Variants in PALD1 observed in about 807,000 individuals in gnomAD.
The protein encoded by PALD1 is paladin.
PALD1 carries 57 observed loss-of-function variants against 96.0 expected under a neutral mutation model. The ratio of observed to expected loss-of-function variants is 0.59; its 90% confidence interval spans 0.48 to 0.74. The LOEUF is 0.74. PALD1 is among the 30% of genes least tolerant of loss of function. The pLI is 0.00. For synonymous variants in PALD1, 464 were observed against 473.6 expected (o/e 0.98, Z 0.26); for missense variants, 1,063 against 1,143.7 (o/e 0.93, Z 1.02).
chr10:70,477,351 C>G (rs865804409), upstream of PALD1, among the ~76,000 whole-genome samples: 3 of 152,238 alleles, frequency 2.0e-5, no homozygotes, highest in East Asian at 5.8e-4. Context: ...AGTTGGGAAT[C>G]TGAGAACTTA....
intron 1 of PALD1, among the ~76,000 whole-genome samples, chr10:70,523,394 G>T (rs754011416): frequency 6.6e-6 from 1 of 152,180 alleles, no homozygotes; most frequent in Non-Finnish European, 1.5e-5. Flanking sequence ...GCTGCCCTGA[G>T]CCCTTGTTCT....
At chr10:70,470,760 C>A in the PALD1 span, among the ~76,000 whole-genome samples, 1 of 151,264 alleles carries the variant, frequency 6.6e-6, no homozygotes, top group South Asian at 2.1e-4. Context: ...AGGCACGCAC[C>A]ACCACGCCCA....
the PALD1 span, among the ~76,000 whole-genome samples, chr10:70,469,254 C>T: frequency 3.9e-5 from 6 of 152,306 alleles, no homozygotes; most frequent in East Asian, 9.7e-4. Flanking sequence ...GCCTTAAACC[C>T]TCCGAGGGGG....
the PALD1 span, among the ~76,000 whole-genome samples, chr10:70,462,879 A>G: frequency 1.3e-5 from 2 of 152,212 alleles, no homozygotes; most frequent in Non-Finnish European, 2.9e-5. Context: ...ATCCGTGGCC[A>G]CACCCAGGAG....
Position 70,529,971 on chromosome 10 carries a change from G to C in PALD1, c.371G>C (p.Arg124Pro). ...TVGSCGAPNF[R>P]QVQGGLTVFG... ...GGAAGCTGTGGGGCCCCCAACTTCCGGCAGGTGCAGGGTGGGCTCACTGTG... is the reference window on the plus strand; with the variant it reads ...GGAAGCTGTGGGGCCCCCAACTTCCCGCAGGTGCAGGGTGGGCTCACTGTG... Residue 124 changes from arginine (R) to proline (P), a missense_variant, in exon 4 of 20, where the codon CGG becomes CCG. Coordinates refer to ENST00000263563, the MANE Select transcript of PALD1 (RefSeq NM_014431.3). The C allele has an allele frequency of 6.2e-7, 1 of 1,612,702 alleles. No homozygotes were observed. Among genetic ancestry groups the C allele is most frequent in the South Asian group, 1.1e-5 (1 of 90,926 alleles).
intron 1 of PALD1, among the ~76,000 whole-genome samples, chr10:70,506,955 A>G (rs1564689663): frequency 6.6e-6 from 1 of 152,106 alleles, no homozygotes; most frequent in Non-Finnish European, 1.5e-5. Context: ...CAGTCAACAC[A>G]TGGTGGCCAC....
At chr10:70,515,971 CA>C (rs1486931024) in intron 1 of PALD1, among the ~76,000 whole-genome samples, 1 of 152,116 alleles carries the variant, frequency 6.6e-6, no homozygotes, top group Non-Finnish European at 1.5e-5. Flanking sequence ...GGGGCTTTTG[CA>C]TGCCTCTAAC....
chr10:70,473,308 G>C, the PALD1 span, among the ~76,000 whole-genome samples: 1 of 152,132 alleles, frequency 6.6e-6, no homozygotes, highest in Admixed American at 6.5e-5. Flanking sequence ...TGAGCACCTC[G>C]AGGGCAGGGC....
intron 1 of PALD1, among the ~76,000 whole-genome samples, chr10:70,516,235 A>T (rs2132329255): frequency 6.6e-6 from 1 of 152,168 alleles, no homozygotes; most frequent in East Asian, 1.9e-4. Context: ...GGTTCCAGCG[A>T]TCCTCCTGCC....
intron 10 of PALD1, among the ~76,000 whole-genome samples, chr10:70,536,891 G>A (rs1452946449): frequency 6.6e-6 from 1 of 152,168 alleles, no homozygotes; most frequent in African/African-American, 2.4e-5. Flanking sequence ...GGGCCCTTGG[G>A]GTTCTCTCGG....
At chr10:70,561,760 G>A (rs1847742169) in intron 18 of PALD1, among the ~76,000 whole-genome samples, 1 of 152,044 alleles carries the variant, frequency 6.6e-6, no homozygotes, top group Non-Finnish European at 1.5e-5. Flanking sequence ...CTCCCACTCT[G>A]CCCACCCTGG....
intron 1 of PALD1, among the ~76,000 whole-genome samples, chr10:70,483,087 C>G (rs1307583398): frequency 2.0e-5 from 3 of 152,036 alleles, no homozygotes; most frequent in Non-Finnish European, 4.4e-5. Context: ...CATGCAGACA[C>G]CATGTCTGGT....
In PALD1 at chr10:70,537,813, A is replaced by G. The variant is rs745707736; in HGVS notation, c.1230A>G (p.Gly410=). 76 of 1,611,178 alleles carry G rather than the reference A, an allele frequency of 4.7e-5. No homozygotes were observed. Among genetic ancestry groups the G allele is most frequent in the Non-Finnish European group, 6.2e-5 (73 of 1,177,860 alleles). ...TAACACCCTGTCCTCTCTCTCAGGG[A>G]AGCGGCAGCCGACACAGCGTCTGGC... ...EGIRPESPAQ[G]SGSRHSVWQR... is the part of the protein sequence containing the mutation. Residue 410 remains glycine, a splice_region_variant and synonymous_variant, in exon 11 of 20, where the codon GGA becomes GGG. Transcript: ENST00000263563.
Position 70,493,366 on chromosome 10 carries a change from C to T in PALD1, c.-30+14307C>T, listed in dbSNP as rs377313421. On this transcript the variant is annotated intron_variant, in intron 1 of 19. Transcript: ENST00000263563. ...ACCCGTGAAGGAGGTCTGTGAGCAGCCCAGCCATGGCCACAGCCTGGGCTC... is the reference window on the plus strand; with the variant it reads ...ACCCGTGAAGGAGGTCTGTGAGCAGTCCAGCCATGGCCACAGCCTGGGCTC... 3.3e-5 allele frequency among the ~76,000 whole-genome samples: 5 copies of T among 152,362 alleles called. No homozygotes were observed. The East Asian group carries it at 9.6e-4, about 29-fold the overall frequency.
chr10:70,478,575 G>C (rs1845866186), upstream of PALD1, among the ~76,000 whole-genome samples: 3 of 152,224 alleles, frequency 2.0e-5, no homozygotes, highest in Admixed American at 2.0e-4. Context: ...TTTCCTCCTC[G>C]CGGAGGGTGG....
intron 18 of PALD1, among the ~76,000 whole-genome samples, chr10:70,558,226 A>T (rs567987525): frequency 6.6e-6 from 1 of 151,946 alleles, no homozygotes; most frequent in South Asian, 2.1e-4. Context: ...CAGGTCTTCA[A>T]GCATGTGGCC....
At chr10:70,533,888 C>T in intron 7 of PALD1, 34 bp from the exon 8 acceptor site, 1 of 1,517,280 alleles carries the variant, frequency 6.6e-7, no homozygotes, top group Non-Finnish European at 8.9e-7. Context: ...GTTTCCTGGT[C>T]TCACTGGGGC....
chr10:70,459,525 G>T, the PALD1 span, among the ~76,000 whole-genome samples: 1 of 152,172 alleles, frequency 6.6e-6, no homozygotes, highest in Non-Finnish European at 1.5e-5. Flanking sequence ...GGGGGTTGCT[G>T]GGGCTGGGCA....
chr10:70,500,264 C>T (rs929622717), intron 1 of PALD1, among the ~76,000 whole-genome samples: 1 of 152,140 alleles, frequency 6.6e-6, no homozygotes, highest in Non-Finnish European at 1.5e-5. Flanking sequence ...GCAGTACCCA[C>T]CCTGTTGCTC....
Sources: gnomAD v4.1 joint callset for allele counts (sites outside exome capture counted in the v4.1 genomes callset) on GRCh38, gnomAD v4.1.1 for gene constraint, MANE v1.5 for transcripts, NCBI Gene and HGNC (gene_info 2026-07-23, HGNC 2026-07-21) for gene names.